Variants in GBF1 observed in about 807,000 individuals in gnomAD.
GBF1 encodes the protein golgi brefeldin A resistant guanine nucleotide exchange factor 1.
Under a neutral mutation model 210.5 loss-of-function variants are expected in GBF1, and 114 were observed. The ratio of observed to expected loss-of-function variants is 0.54; its 90% CI spans 0.47 to 0.63. The LOEUF is 0.63. Ranked by LOEUF, GBF1 falls within the 30% of genes least tolerant of loss-of-function variation. The pLI is 0.00. For synonymous variants in GBF1, 850 were observed against 889.2 expected (o/e 0.96, Z 0.78); for missense variants, 1,851 against 2,357.7 (o/e 0.79, Z 4.45).
At chr10:102,261,383 G>T (rs1269304911) in intron 3 of GBF1, among the ~76,000 whole-genome samples, 1 of 152,062 alleles carries the variant, frequency 6.6e-6, no homozygotes, top group Non-Finnish European at 1.5e-5. Flanking sequence ...ATGTTCCTTT[G>T]TTGACCACAA....
intron 39 of GBF1, 148 bp from the exon 40 acceptor site, chr10:102,381,908 G>A: frequency 3.8e-6 from 2 of 526,678 alleles, no homozygotes; most frequent in South Asian, 7.3e-5. Context: ...TTTGAGGGGA[G>A]ACTCCCAACT....
chr10:102,305,916 T>C (rs190191167), intron 3 of GBF1, among the ~76,000 whole-genome samples: 20 of 152,162 alleles, frequency 1.3e-4, no homozygotes, highest in African/African-American at 4.8e-4. Flanking sequence ...AAGGAGAGCA[T>C]CCCTCTCAAA....
intron 3 of GBF1, among the ~76,000 whole-genome samples, chr10:102,272,149 C>T (rs1360680697): frequency 6.6e-6 from 1 of 151,894 alleles, no homozygotes; most frequent in Non-Finnish European, 1.5e-5. Context: ...CTCTGTCACC[C>T]AAGCTGGACT....
the GBF1 span, among the ~76,000 whole-genome samples, chr10:102,235,916 G>C: frequency 6.6e-6 from 1 of 152,214 alleles, no homozygotes; most frequent in African/African-American, 2.4e-5. Context: ...ACCCAAGCTG[G>C]GAGCCACTTT....
At chr10:102,271,466 T>C (rs772017) in intron 3 of GBF1, among the ~76,000 whole-genome samples, 151,643 of 151,714 alleles carry the variant, frequency 1, 75,786 homozygotes, top group Middle Eastern at 1. Context: ...ATTACAGGTG[T>C]GAGCCACTGC....
chr10:102,338,678 G>A (rs2057948574), intron 3 of GBF1, among the ~76,000 whole-genome samples: 2 of 151,960 alleles, frequency 1.3e-5, no homozygotes, highest in Admixed American at 1.3e-4. Context: ...TGGGTGCGGT[G>A]GCTTACACCT....
At chr10:102,268,061 A>T (rs2074041206) in intron 3 of GBF1, among the ~76,000 whole-genome samples, 1 of 152,166 alleles carries the variant, frequency 6.6e-6, no homozygotes, top group African/African-American at 2.4e-5. Flanking sequence ...CTATATTTTG[A>T]TGACTTGATT....
the GBF1 span, chr10:102,231,725 G>T: frequency 4.3e-6 from 7 of 1,610,396 alleles, no homozygotes; most frequent in Non-Finnish European, 5.9e-6. Context: ...TGCCGCCGCT[G>T]CTTCTTTTTC....
chr10:102,369,312 G>A lies in GBF1; in HGVS notation c.3075G>A (p.Arg1025=), dbSNP rs555109243. ...HLAHRHGDIL[R]EGWKNIMEAM... is the part of the protein sequence containing the mutation. ...CCCATCGTCATGGTGACATCCTGCGGGAGGGCTGGAAGAATATCATGGAGG... is the reference window on the plus strand; with the variant it reads ...CCCATCGTCATGGTGACATCCTGCGAGAGGGCTGGAAGAATATCATGGAGG... Residue 1025 remains arginine (R), a synonymous_variant, in exon 24 of 40, where the codon CGG becomes CGA. Transcript: ENST00000369983. The A allele has an allele frequency of 2.5e-6, 4 of 1,613,906 alleles. No individual in the cohort carries two copies. In the African/African-American group the frequency reaches 5.3e-5, roughly 22 times the overall value.
At chr10:102,362,150 G>C (rs1430540338) in intron 14 of GBF1, among the ~76,000 whole-genome samples, 1 of 140,136 alleles carries the variant, frequency 7.1e-6, no homozygotes, top group Admixed American at 7.8e-5. Flanking sequence ...TCCACCTCCC[G>C]GGTTCACACC....
intron 39 of GBF1, among the ~76,000 whole-genome samples, chr10:102,381,750 G>A (rs559131606): frequency 2.0e-5 from 3 of 150,740 alleles, no homozygotes; most frequent in Admixed American, 6.6e-5. Flanking sequence ...GCTTGAACCC[G>A]GGAGGCAGAG....
At chr10:102,286,055 C>G (rs1275181401) in intron 3 of GBF1, among the ~76,000 whole-genome samples, 2 of 152,112 alleles carry the variant, frequency 1.3e-5, no homozygotes, top group Non-Finnish European at 1.5e-5. Context: ...CCACAATACA[C>G]AGTGTTGTTG....
intron 3 of GBF1, among the ~76,000 whole-genome samples, chr10:102,281,032 G>A (rs897328358): frequency 2.0e-5 from 3 of 152,088 alleles, no homozygotes; most frequent in African/African-American, 7.2e-5. Context: ...TCTATCTCTG[G>A]ATGTCTGCAT....
In GBF1 at chr10:102,367,458, A is replaced by C. The variant is rs947957059; in HGVS notation, c.2560-20A>C. ...TTCAGTGTTGACACAAGGGGAAAAA[A>C]CTTACTGGCCTGTCTCTAGGAGTTT... is the stretch of plus-strand genomic sequence containing the variant. On this transcript the variant is annotated intron_variant, in intron 20 of 39. Transcript: ENST00000369983. The C allele has an allele frequency of 7.7e-6, 12 of 1,549,880 alleles. No homozygotes were observed. Among genetic ancestry groups the C allele is most frequent in the Non-Finnish European group, 9.8e-6 (11 of 1,121,352 alleles).
intron 22 of GBF1, 109 bp downstream of exon 22, chr10:102,368,563 C>T (rs866233483): frequency 3.5e-6 from 3 of 852,704 alleles, no homozygotes; most frequent in East Asian, 4.9e-5. Context: ...ATGGGGTTCC[C>T]CCTGAGTTTT....
At chr10:102,357,442 G>A (rs1157315182) in intron 8 of GBF1, among the ~76,000 whole-genome samples, 11 of 150,802 alleles carry the variant, frequency 7.3e-5, no homozygotes, top group Admixed American at 1.3e-4. Flanking sequence ...AGCTGAGATC[G>A]TGCCACTGCA....
intron 3 of GBF1, among the ~76,000 whole-genome samples, chr10:102,327,101 G>A (rs2056962497): frequency 6.6e-6 from 1 of 152,160 alleles, no homozygotes. Context: ...TAGATGAGCC[G>A]AATTCTCCTG....
intron 3 of GBF1, among the ~76,000 whole-genome samples, chr10:102,280,130 A>AAG (rs57985048): frequency 0.014 from 2,130 of 150,094 alleles, 22 homozygotes; most frequent in Middle Eastern, 0.031. Flanking sequence ...CTTAAAAAAA[A>AAG]AGAGAGAGAG....
rs561591162 is a variant in GBF1 at position 102,261,318 on chromosome 10, A to G, written c.163+1202A>G. 7.9e-5 allele frequency among the ~76,000 whole-genome samples: 12 copies of G among 152,172 alleles called. 1 individual carries two copies. Among genetic ancestry groups the G allele is most frequent in the African/African-American group, 2.9e-4 (12 of 41,522 alleles). On this transcript the variant is annotated intron_variant, in intron 3 of 39. Transcript: ENST00000369983. Reference sequence around the variant, plus strand: ...CATATACACTGGCAGGAAAGGAGGAAAGTGTCAAAACCAAGGGGATGTAGA... The same window carrying G: ...CATATACACTGGCAGGAAAGGAGGAGAGTGTCAAAACCAAGGGGATGTAGA...
Sources: allele counts gnomAD v4.1 joint callset (sites outside exome capture counted in the v4.1 genomes callset), GRCh38; gene constraint gnomAD v4.1.1; transcripts MANE v1.5; gene names NCBI Gene and HGNC (gene_info 2026-07-23, HGNC 2026-07-21).